Variants in URB1 observed in about 807,000 individuals in gnomAD.
URB1 encodes nucleolar pre-ribosomal-associated protein 1.
A neutral mutation model predicts 242.3 loss-of-function variants in URB1; 197 were observed. The observed-to-expected ratio is 0.81, with a 90% CI of 0.72 to 0.91. URB1 has a LOEUF of 0.91. Ranked by LOEUF, URB1 falls within the 40% of genes least tolerant of loss-of-function variation. The pLI is 0.00. For missense variants in URB1, 2,721 were observed against 2,860.5 expected (o/e 0.95, Z 1.11); for synonymous variants, 1,153 against 1,201.8 (o/e 0.96, Z 0.84).
At chr21:32,329,377 C>T (rs1009660849) in intron 30 of URB1, among the ~76,000 whole-genome samples, 2 of 152,166 alleles carry the variant, frequency 1.3e-5, no homozygotes, top group Non-Finnish European at 2.9e-5. Context: ...CCAGAGGCAC[C>T]CCAATAGGCT....
intron 8 of URB1, among the ~76,000 whole-genome samples, chr21:32,369,739 C>A (rs569690875): frequency 6.6e-6 from 1 of 152,304 alleles, no homozygotes; most frequent in East Asian, 1.9e-4. Context: ...CATGGACCTT[C>A]TGCCTTCCCT....
In URB1 at chr21:32,311,366, C is replaced by T. The variant is rs1048767833; in HGVS notation, c.*3552G>A. On this transcript the variant is annotated 3_prime_UTR_variant, in exon 39 of 39. Coordinates refer to ENST00000382751, the MANE Select transcript of URB1 (RefSeq NM_014825.3). ...GGCTATGGATATAAAATGAACTACA[C>T]TCAGATACAGCGCTGGATGGGAGGT... is the stretch of plus-strand genomic sequence containing the variant. The T allele has an allele frequency of 2.5e-6, 1 of 394,174 alleles. No homozygotes were observed. Among genetic ancestry groups the T allele is most frequent in the South Asian group, 4.5e-5 (1 of 22,134 alleles). 24.4% of individuals were successfully genotyped at this position (394,174 alleles called of 1,614,324 possible).
At chr21:32,319,125 A>G (rs2032729800) in intron 36 of URB1, 92 bp downstream of exon 36, 1 of 1,306,504 alleles carries the variant, frequency 7.7e-7, no homozygotes, top group Non-Finnish European at 1.0e-6. Flanking sequence ...CCCCTGGTAC[A>G]GAGTCATGAC....
rs1472839434 is a variant in URB1 at position 32,320,570 on chromosome 21, T to C, written c.5555A>G (p.Tyr1852Cys). Reference sequence around the variant, plus strand: ...GTGTAAAATCCATGTTAAAAGGCTATAGTCTCGTATGATTTCATACGCAGA... The same window carrying C: ...GTGTAAAATCCATGTTAAAAGGCTACAGTCTCGTATGATTTCATACGCAGA... The part of the protein sequence containing the change: ...ARSAYEIIRD[Y>C]SLLTWILHIL... Residue 1852 changes from tyrosine to cysteine, a missense_variant, in exon 35 of 39, where the codon TAT (tyrosine) becomes TGT (cysteine). Coordinates refer to ENST00000382751, the MANE Select transcript of URB1 (RefSeq NM_014825.3). 3 of 1,551,960 alleles carry C rather than the reference T, an allele frequency of 1.9e-6. No homozygotes were observed. Among genetic ancestry groups the C allele is most frequent in the Non-Finnish European group, 2.6e-6 (3 of 1,147,052 alleles).
chr21:32,392,824 C>T lies in URB1; in HGVS notation c.87G>A (p.Glu29=). ...GAGCCTTGAACCGCACGCCCGTGAG[C>T]TCTTCTTTGCGGGCGCGCTTGGCTG... ...AGAAKRARKE[E]LTGVRFKAQL... Residue 29 remains glutamate, a synonymous_variant, in exon 1 of 39, where the codon GAG becomes GAA. Coordinates refer to ENST00000382751, the MANE Select transcript of URB1 (RefSeq NM_014825.3). 1 of 1,532,558 alleles carries T rather than the reference C, an allele frequency of 6.5e-7. No homozygotes were observed. Among genetic ancestry groups the T allele is most frequent in the Non-Finnish European group, 8.7e-7 (1 of 1,144,848 alleles). The allele number at this position is 1,532,558 out of a possible 1,614,324, so 94.9% of individuals were successfully genotyped here.
chr21:32,383,682 A>C, intron 3 of URB1, 128 bp from the exon 4 acceptor site: 8 of 1,105,590 alleles, frequency 7.2e-6, no homozygotes, highest in Non-Finnish European at 9.6e-6. Flanking sequence ...AAGAAGGAAA[A>C]AGACATGCTC....
In URB1 at chr21:32,353,862, A is replaced by G. The variant is rs2033186773; in HGVS notation, c.2416+71T>C. On this transcript the variant is annotated intron_variant, in intron 18 of 38. Coordinates refer to ENST00000382751, the MANE Select transcript of URB1 (RefSeq NM_014825.3). ...CAGCAATTGATCCCAGAGCCCCTGG[A>G]ATCCCACCTCCCACCCTGCACAGAC... is the stretch of plus-strand genomic sequence containing the variant. The G allele has an allele frequency of 4.1e-6, 6 of 1,466,966 alleles. No homozygotes were observed. In the South Asian group the frequency reaches 8.4e-5, roughly 21 times the overall value. 90.9% of individuals were successfully genotyped at this position (1,466,966 alleles called of 1,614,324 possible).
At position 32,314,517 on chromosome 21, in the gene URB1, C is replaced by T. The variant is rs2032647473; in HGVS notation, c.*401G>A. Reference sequence around the variant, plus strand: ...AACTTTAAACATCTCTCTTCGTTTTCATAAAAAAAATCTGATACCTTTTGA... The same window carrying T: ...AACTTTAAACATCTCTCTTCGTTTTTATAAAAAAAATCTGATACCTTTTGA... On this transcript the variant is annotated 3_prime_UTR_variant, in exon 39 of 39. Transcript: ENST00000382751. The T allele has an allele frequency of 6.3e-7, 1 of 1,589,134 alleles. No homozygotes were observed. Among genetic ancestry groups the T allele is most frequent in the Admixed American group, 1.7e-5 (1 of 60,002 alleles).
intron 1 of URB1, 141 bp from the exon 2 acceptor site, chr21:32,385,825 AAC>A: frequency 8.3e-7 from 1 of 1,199,034 alleles, no homozygotes. Context: ...GAATGCTATC[AAC>A]TTAACTGTTT....
At chr21:32,353,892 C>G (rs2298363) in intron 18 of URB1, 41 bp downstream of exon 18, 23 of 1,542,024 alleles carry the variant, frequency 1.5e-5, no homozygotes, top group Non-Finnish European at 1.9e-5. Flanking sequence ...ACAGACTAGC[C>G]GGCCAGGTGC....
At chr21:32,362,333 G>A (rs1295873672) in intron 11 of URB1, among the ~76,000 whole-genome samples, 1 of 152,050 alleles carries the variant, frequency 6.6e-6, no homozygotes, top group Non-Finnish European at 1.5e-5. Context: ...AGCCACCTGA[G>A]TAGCTGGAAC....
In URB1 at chr21:32,317,824, G is replaced by A. The variant is rs1377781585; in HGVS notation, c.5886C>T (p.Asp1962=). ...TCTCATTTACGGTGAATCTGTTCAT[G>A]TCCCTAAAGGCCTGTATGACAGTGG... ...YRATVIQAFR[D]MNRFTVNETV... Residue 1962 remains aspartate (D), a synonymous_variant, in exon 37 of 39, where the codon GAC becomes GAT. Coordinates refer to ENST00000382751, the MANE Select transcript of URB1 (RefSeq NM_014825.3). 7.1e-6 allele frequency: 11 copies of A among 1,551,842 alleles called. No individual in the cohort carries two copies. Among genetic ancestry groups the A allele is most frequent in the South Asian group, 1.2e-5 (1 of 84,066 alleles).
intron 28 of URB1, among the ~76,000 whole-genome samples, 189 bp downstream of exon 28, chr21:32,336,905 T>C (rs981980441): frequency 1.3e-5 from 2 of 152,180 alleles, no homozygotes; most frequent in African/African-American, 2.4e-5. Flanking sequence ...CCCAGATGCC[T>C]TATGGCATAA....
intron 21 of URB1, among the ~76,000 whole-genome samples, chr21:32,348,555 G>A (rs1337752199): frequency 1.3e-5 from 2 of 152,066 alleles, no homozygotes; most frequent in Non-Finnish European, 2.9e-5. Flanking sequence ...CTGCTGAACC[G>A]ATTCCTCGCC....
chr21:32,347,953 A>G (rs2033112834), intron 21 of URB1, 142 bp from the exon 22 acceptor site: 1 of 1,341,908 alleles, frequency 7.5e-7, no homozygotes, highest in South Asian at 1.5e-5. Context: ...CCTCAAGCCT[A>G]CATTTCCATG....
At chr21:32,318,801 T>C (rs2123541206) in intron 36 of URB1, among the ~76,000 whole-genome samples, 1 of 152,330 alleles carries the variant, frequency 6.6e-6, no homozygotes, top group East Asian at 1.9e-4. Context: ...CGCAGGCTAA[T>C]GAAGGCAGAG....
Position 32,312,139 on chromosome 21 carries a change from A to G in URB1, c.*2779T>C, listed in dbSNP as rs777827455. 7.7e-5 allele frequency: 119 copies of G among 1,537,678 alleles called. No homozygotes were observed. Among genetic ancestry groups the G allele is most frequent in the Non-Finnish European group, 1.0e-4 (118 of 1,147,376 alleles). On this transcript the variant is annotated 3_prime_UTR_variant, in exon 39 of 39. Transcript: ENST00000382751. ...AGTGCAACTAGAGCAGGAGCATCCT[A>G]TGCCTTTGACAAAGATTGCAGTGGC...
intron 25 of URB1, among the ~76,000 whole-genome samples, chr21:32,340,521 G>A (rs971591378): frequency 5.4e-4 from 83 of 152,352 alleles, no homozygotes; most frequent in Non-Finnish European, 7.9e-4. Flanking sequence ...GCCGAGGCAG[G>A]AGAATCACTT....
At position 32,321,976 on chromosome 21, in the gene URB1, A is replaced by T. The variant is rs1160225820; in HGVS notation, c.5341-32T>A. 6 of 1,546,408 alleles carry T rather than the reference A, an allele frequency of 3.9e-6. No individual in the cohort carries two copies. The South Asian group carries it at 6.0e-5, about 15-fold the overall frequency. ...CCCAGGCACACAAAAAACTGTTGTT[A>T]ATAAGTGAAAGTCCTTTCATCTGAC... On this transcript the variant is annotated intron_variant, in intron 33 of 38. Coordinates refer to ENST00000382751, the MANE Select transcript of URB1 (RefSeq NM_014825.3).
Sources: allele counts gnomAD v4.1 joint callset (sites outside exome capture counted in the v4.1 genomes callset), GRCh38; gene constraint gnomAD v4.1.1; transcripts MANE v1.5; gene names NCBI Gene and HGNC (gene_info 2026-07-23, HGNC 2026-07-21).